The following ARHGEF11 variants were observed in gnomAD, a reference collection of about 807,000 sequenced individuals.
The protein encoded by ARHGEF11 is Rho guanine exchange factor (GEF) 11.
A neutral mutation model predicts 193.7 loss-of-function variants in ARHGEF11; 55 were observed. The ratio of observed to expected loss-of-function variants is 0.28; its 90% CI spans 0.23 to 0.36. The LOEUF (loss-of-function observed/expected upper bound fraction) is 0.36, where lower values mean the gene tolerates loss of function less well. Ranked by LOEUF, ARHGEF11 falls within the 10% of genes least tolerant of loss-of-function variation. The pLI is 1.00. For missense variants in ARHGEF11, 1,723 were observed against 2,005.6 expected, an observed-to-expected ratio of 0.86 and a Z score of 2.69; for synonymous variants, 693 against 768.0, an observed-to-expected ratio of 0.90 and a Z score of 1.62.
intron 11 of ARHGEF11, among the ~76,000 whole-genome samples, chr1:156,966,490 T>C (rs6679776): frequency 0.24 from 36,053 of 152,138 alleles, 4,615 homozygotes; most frequent in East Asian, 0.37. Context: ...ATACTGAAAC[T>C]ATGACTCCCC....
intron 1 of ARHGEF11, among the ~76,000 whole-genome samples, chr1:156,991,818 G>A (rs1192387812): frequency 3.6e-5 from 5 of 138,730 alleles, no homozygotes; most frequent in African/African-American, 1.3e-4. Flanking sequence ...CCGGGTTCAC[G>A]CCATTCTCCT....
intron 21 of ARHGEF11, among the ~76,000 whole-genome samples, chr1:156,954,425 G>A (rs1659631855): frequency 7.1e-6 from 1 of 141,256 alleles, no homozygotes; most frequent in African/African-American, 2.6e-5. Flanking sequence ...AAAATCTGAG[G>A]CACTTCTGCT....
chr1:156,968,492 A>G (rs950806091), intron 10 of ARHGEF11, among the ~76,000 whole-genome samples: 1 of 152,122 alleles, frequency 6.6e-6, no homozygotes, highest in South Asian at 2.1e-4. Flanking sequence ...AGATAATGTC[A>G]ACTGTAGATT....
chr1:156,962,878 CAAAAAAAAAAAAAA>C (rs59159449), intron 13 of ARHGEF11, among the ~76,000 whole-genome samples: 7 of 21,286 alleles, frequency 3.3e-4, no homozygotes, highest in Admixed American at 1.3e-3. Context: ...GACTCCGTCT[CAAAAAAAAAAAAAA>C]AAAAAAAAAA....
At chr1:156,952,407 G>A (rs973506707) in intron 21 of ARHGEF11, among the ~76,000 whole-genome samples, 8 of 152,216 alleles carry the variant, frequency 5.3e-5, no homozygotes, top group African/African-American at 1.9e-4. Flanking sequence ...CCAGAGTTCT[G>A]TGGCTCTCAG....
intron 40 of ARHGEF11, 25 bp from the exon 41 acceptor site, chr1:156,936,083 G>C: frequency 6.2e-7 from 1 of 1,612,392 alleles, no homozygotes; most frequent in African/African-American, 1.3e-5. Flanking sequence ...TGAAGGTGAG[G>C]AACTGGCCAG....
At chr1:156,938,597 G>T in intron 37 of ARHGEF11, 84 bp from the exon 38 acceptor site, 1 of 1,347,192 alleles carries the variant, frequency 7.4e-7, no homozygotes, top group South Asian at 1.2e-5. Flanking sequence ...AGGAGAGAGG[G>T]CAGGAGGTGG....
chr1:156,964,739 T>C (rs1044031443), intron 11 of ARHGEF11, among the ~76,000 whole-genome samples: 8 of 152,154 alleles, frequency 5.3e-5, no homozygotes, highest in African/African-American at 7.2e-5. Flanking sequence ...TCAGGCCTGA[T>C]GTGCTGTATT....
intron 1 of ARHGEF11, among the ~76,000 whole-genome samples, chr1:157,005,074 A>G (rs905415436): frequency 3.3e-5 from 5 of 152,156 alleles, no homozygotes; most frequent in African/African-American, 1.2e-4. Context: ...GTTTCTAAAT[A>G]TGCTGCTCTT....
rs550925575 is a variant in ARHGEF11, at chr1:156,935,848, C to A, written c.*152G>T. 2.5e-4 allele frequency: 203 copies of A among 826,780 alleles called. 1 individual carries two copies. The African/African-American group carries it at 3.2e-3, about 13-fold the overall frequency. 51.2% of individuals were successfully genotyped at this position (826,780 alleles called of 1,614,324 possible). A position where few individuals can be genotyped will look rare whatever the true frequency, so the allele number is the denominator to read the frequency against. On this transcript the variant is annotated 3_prime_UTR_variant, in exon 41 of 41. Transcript: ENST00000368194. ...CGACTTGAGCAGACCAAGCAACATG[C>A]GGGTCTCCCCCCGGGCCTTGGCTGG... is the stretch of plus-strand genomic sequence containing the variant.
intron 7 of ARHGEF11, among the ~76,000 whole-genome samples, chr1:156,976,753 A>C (rs1230214877): frequency 6.6e-6 from 1 of 152,158 alleles, no homozygotes; most frequent in African/African-American, 2.4e-5. Flanking sequence ...CATATTCACT[A>C]TCCTAATCTA....
Position 157,045,145 on chromosome 1 carries a change from AG to A in ARHGEF11, c.-816del, listed in dbSNP as rs1242618614. 1 of 152,208 alleles carries A rather than the reference AG, an allele frequency of 6.6e-6. No individual in the cohort carries two copies. Among genetic ancestry groups the A allele is most frequent in the Admixed American group, 6.5e-5 (1 of 15,270 alleles). 9.4% of individuals were successfully genotyped at this position (152,208 alleles called of 1,614,324 possible). ...CAATGCTTTTTACCTTTAAGATGGT[AG>A]TAATGATAACAAACCAGAGATAATC... On this transcript the variant is annotated 5_prime_UTR_variant, in exon 1 of 41. Coordinates refer to ENST00000368194, the MANE Select transcript of ARHGEF11 (RefSeq NM_198236.3).
chr1:157,045,923 G>A (rs1205110445), upstream of ARHGEF11, among the ~76,000 whole-genome samples: 2 of 150,606 alleles, frequency 1.3e-5, no homozygotes, highest in Non-Finnish European at 3.0e-5. Flanking sequence ...GCTGCCCGCC[G>A]CCCGCCGGCC....
At chr1:157,042,080 G>C (rs1298706267) in intron 1 of ARHGEF11, among the ~76,000 whole-genome samples, 1 of 152,148 alleles carries the variant, frequency 6.6e-6, no homozygotes, top group Non-Finnish European at 1.5e-5. Context: ...CTACAGTTAA[G>C]GGAGTAAGAT....
intron 40 of ARHGEF11, 29 bp downstream of exon 40, chr1:156,936,787 G>A: frequency 6.3e-7 from 1 of 1,598,486 alleles, no homozygotes; most frequent in East Asian, 2.2e-5. Context: ...CCCAATGGTA[G>A]GAACCGAGAG....
chr1:156,983,366 C>T (rs1431311756), intron 3 of ARHGEF11, among the ~76,000 whole-genome samples: 6 of 152,152 alleles, frequency 3.9e-5, no homozygotes, highest in Non-Finnish European at 7.4e-5. Flanking sequence ...GGACTACAGG[C>T]GCCTGCCACC....
At chr1:157,041,442 G>A (rs1260357872) in intron 1 of ARHGEF11, among the ~76,000 whole-genome samples, 1 of 152,096 alleles carries the variant, frequency 6.6e-6, no homozygotes, top group Admixed American at 6.5e-5. Flanking sequence ...CTTGAACAGG[G>A]TGCTACAGGA....
chr1:156,974,437 C>G (rs1467626398), intron 7 of ARHGEF11, among the ~76,000 whole-genome samples: 1 of 152,152 alleles, frequency 6.6e-6, no homozygotes, highest in Non-Finnish European at 1.5e-5. Flanking sequence ...ACGAAGCCTT[C>G]TGATTATTGC....
At chr1:156,978,148 G>A in intron 6 of ARHGEF11, 56 bp downstream of exon 6, 2 of 1,608,552 alleles carry the variant, frequency 1.2e-6, no homozygotes, top group Non-Finnish European at 1.7e-6. Flanking sequence ...CCTCCCCAAT[G>A]CGGAGCTTTT....
Sources: allele counts gnomAD v4.1 joint callset (sites outside exome capture counted in the v4.1 genomes callset), GRCh38; gene constraint gnomAD v4.1.1; transcripts MANE v1.5; gene names NCBI Gene and HGNC (gene_info 2026-07-23, HGNC 2026-07-21).